Variants in ZBTB10 observed in about 807,000 individuals in gnomAD.
ZBTB10 encodes zinc finger and BTB domain containing 10.
In ZBTB10, 32 loss-of-function variants were observed where a neutral mutation model predicts 76.4. That is an observed-to-expected ratio of 0.42 (90% CI 0.32 to 0.56). ZBTB10 has a LOEUF of 0.56. Ranked by LOEUF, ZBTB10 falls within the 20% of genes least tolerant of loss-of-function variation. ZBTB10 has a pLI of 0.14. For synonymous variants in ZBTB10, 523 were observed against 432.9 expected, an observed-to-expected ratio of 1.21 and a Z score of -2.58; for missense variants, 1,057 against 1,098.5, an observed-to-expected ratio of 0.96 and a Z score of 0.53.
At chr8:80,490,099 C>T (rs991528602) in intron 1 of ZBTB10, among the ~76,000 whole-genome samples, 2 of 152,180 alleles carry the variant, frequency 1.3e-5, no homozygotes, top group Admixed American at 1.3e-4. Context: ...TAACACAACA[C>T]GTAATGTAAG....
intron 2 of ZBTB10, among the ~76,000 whole-genome samples, chr8:80,512,753 C>T (rs929952792): frequency 2.0e-5 from 3 of 152,114 alleles, no homozygotes; most frequent in Admixed American, 6.6e-5. Flanking sequence ...AGAAAAAAAT[C>T]AGTCGTTACC....
chr8:80,514,599 G>A (rs1816282234), intron 3 of ZBTB10, among the ~76,000 whole-genome samples: 2 of 152,250 alleles, frequency 1.3e-5, no homozygotes, highest in African/African-American at 2.4e-5. Context: ...TTAAGCCACC[G>A]TTAATGGGCT....
rs996251384 is a variant in ZBTB10, at chr8:80,500,187, A to G, written c.1666A>G (p.Lys556Glu). ...MAENESEGQTKVFIWNNMGSQ... is the reference protein window; with the variant it reads ...MAENESEGQTEVFIWNNMGSQ... ...TGAAAATGAATCTGAAGGTCAAACA[A>G]AAGTGTTTATTTGGAATAATATGGG... Residue 556 changes from lysine (K) to glutamate (E), a missense_variant, in exon 2 of 6, where the codon AAA becomes GAA. Coordinates refer to ENST00000455036, the MANE Select transcript of ZBTB10 (RefSeq NM_001105539.3). 4.4e-6 allele frequency: 7 copies of G among 1,608,586 alleles called. No individual in the cohort carries two copies. Among genetic ancestry groups the G allele is most frequent in the African/African-American group, 1.3e-5 (1 of 74,814 alleles).
In ZBTB10 at chr8:80,518,904, A is replaced by C. The variant is rs367996608; in HGVS notation, c.2260A>C (p.Ile754Leu). 1,619 of 1,609,140 alleles carry C rather than the reference A, an allele frequency of 1.0e-3. 35 individuals are homozygous for C. In the South Asian group the frequency reaches 0.017, roughly 16 times the overall value. ...HTGVRSFSCD[I>L]CGKLFTRREH... The stretch of plus-strand genomic sequence containing the variant: ...AGGAGTGAGATCATTTAGCTGTGAT[A>C]TTTGTGGAAAACTGTTTACTCGAAG... Residue 754 changes from isoleucine (I) to leucine (L), a missense_variant, in exon 5 of 6, where the codon ATT (isoleucine) becomes CTT (leucine). Physicochemically the swap from Ile to Leu is conservative, Grantham distance 5 (BLOSUM62 2). Coordinates refer to ENST00000455036, the MANE Select transcript of ZBTB10 (RefSeq NM_001105539.3).
chr8:80,503,544 G>A (rs1448403665), intron 2 of ZBTB10, among the ~76,000 whole-genome samples: 1 of 151,954 alleles, frequency 6.6e-6, no homozygotes, highest in African/African-American at 2.4e-5. Flanking sequence ...GAGAGACAGA[G>A]TCTCCCTGTG....
At chr8:80,494,667 T>C (rs958991637) in intron 1 of ZBTB10, among the ~76,000 whole-genome samples, 6 of 152,026 alleles carry the variant, frequency 3.9e-5, no homozygotes, top group Non-Finnish European at 7.4e-5. Context: ...CCTGTAAACT[T>C]AGCACTCTGG....
chr8:80,494,538 A>G (rs1041086544), intron 1 of ZBTB10, among the ~76,000 whole-genome samples: 9 of 151,820 alleles, frequency 5.9e-5, no homozygotes, highest in Middle Eastern at 3.4e-3. Flanking sequence ...TTTTTAGACT[A>G]TTTTTCTAGG....
chr8:80,514,453 G>A (rs1176191568), intron 3 of ZBTB10, among the ~76,000 whole-genome samples: 1 of 152,198 alleles, frequency 6.6e-6, no homozygotes, highest in Non-Finnish European at 1.5e-5. Flanking sequence ...GAATCCATGA[G>A]TATGTTATGA....
At chr8:80,485,719 G>C, upstream of ZBTB10, 5 of 1,453,508 alleles carry the variant, frequency 3.4e-6, no homozygotes, top group South Asian at 1.3e-5. Flanking sequence ...GCACCGCCTG[G>C]TCCAGTCTTT....
chr8:80,518,673 G>C, intron 4 of ZBTB10, 94 bp downstream of exon 4: 1 of 1,479,840 alleles, frequency 6.8e-7, no homozygotes, highest in Non-Finnish European at 9.0e-7. Flanking sequence ...AAACCAAGTA[G>C]CAGTAGCTCC....
In ZBTB10 at chr8:80,487,154, T is replaced by A; in HGVS notation, c.344T>A (p.Leu115Gln). ...SLGGGAGGPL[L>Q]AERNRRTLAF... ...GGCGGTGGCGCGGGGGGCCCCCTGC[T>A]AGCGGAAAGGAACCGTCGGACTCTG... Residue 115 changes from leucine (L) to glutamine (Q), a missense_variant, in exon 1 of 6, where the codon CTA becomes CAA. By Grantham distance (113) the Leu-to-Gln change is moderately radical. Transcript: ENST00000455036. 1.3e-6 allele frequency: 2 copies of A among 1,516,070 alleles called. No homozygotes were observed. The highest frequency in any genetic ancestry group is 1.8e-6 in the Non-Finnish European group (2 of 1,134,742). The allele number at this position is 1,516,070 out of a possible 1,614,324, so 93.9% of individuals were successfully genotyped here. A position where few individuals can be genotyped will look rare whatever the true frequency, so the allele number is the denominator to read the frequency against.
intron 2 of ZBTB10, among the ~76,000 whole-genome samples, chr8:80,501,862 G>A (rs573600638): frequency 7.1e-4 from 108 of 152,322 alleles, no homozygotes; most frequent in African/African-American, 2.5e-3. Flanking sequence ...TTGTCTTAAT[G>A]TAGAAGACCT....
In ZBTB10 at chr8:80,487,002, C is replaced by G; in HGVS notation, c.192C>G (p.Asp64Glu). The G allele has an allele frequency of 6.6e-7, 1 of 1,513,324 alleles. No individual in the cohort carries two copies. The highest frequency in any genetic ancestry group is 8.8e-7 in the Non-Finnish European group (1 of 1,136,328). The allele number at this position is 1,513,324 out of a possible 1,614,324, so 93.7% of individuals were successfully genotyped here. Residue 64 changes from aspartate to glutamate, a missense_variant, in exon 1 of 6, where the codon GAC (aspartate) becomes GAG (glutamate). Asp to Glu is a conservative substitution (Grantham distance 45, BLOSUM62 2). Transcript: ENST00000455036. Reference protein sequence around the residue: ...ALQPPNGRGADEEVELEGLEP... With the variant: ...ALQPPNGRGAEEEVELEGLEP... ...AGCCGCCTAATGGGCGGGGGGCCGACGAGGAAGTGGAATTGGAGGGCCTGG... is the reference window on the plus strand; with the variant it reads ...AGCCGCCTAATGGGCGGGGGGCCGAGGAGGAAGTGGAATTGGAGGGCCTGG...
At chr8:80,509,070 T>G (rs1816128259) in intron 2 of ZBTB10, among the ~76,000 whole-genome samples, 1 of 151,906 alleles carries the variant, frequency 6.6e-6, no homozygotes, top group Non-Finnish European at 1.5e-5. Flanking sequence ...AGTTTGCGAG[T>G]GAAAGGGAAG....
In ZBTB10 at chr8:80,513,931, C is replaced by T. The variant is rs570421287; in HGVS notation, c.1883C>T (p.Ser628Leu). 4.3e-6 allele frequency: 7 copies of T among 1,613,360 alleles called. No homozygotes were observed. The highest frequency in any genetic ancestry group is 1.1e-5 in the South Asian group (1 of 90,996). The part of the protein sequence containing the change: ...EEPDLDGALL[S>L]GPDGDRNVNA... The stretch of plus-strand genomic sequence containing the variant: ...TCAGATTTAGATGGTGCTCTACTCT[C>T]GGGGCCAGATGGTGATAGGAATGTG... Residue 628 changes from serine (S) to leucine (L), a missense_variant, in exon 3 of 6, where the codon TCG becomes TTG. By Grantham distance (145) the Ser-to-Leu change is moderately radical (BLOSUM62 -2). This residue lies in a region of ZBTB10 where 306 missense variants were observed against 297.5 expected (regional missense o/e 1.03). Coordinates refer to ENST00000455036, the MANE Select transcript of ZBTB10 (RefSeq NM_001105539.3).
chr8:80,503,487 T>C (rs954927711), intron 2 of ZBTB10, among the ~76,000 whole-genome samples: 1 of 151,840 alleles, frequency 6.6e-6, no homozygotes, highest in Non-Finnish European at 1.5e-5. Context: ...TCGTTGGGAA[T>C]AGTGTAATTT....
At chr8:80,514,874 T>C (rs1443655293) in intron 3 of ZBTB10, among the ~76,000 whole-genome samples, 1 of 152,254 alleles carries the variant, frequency 6.6e-6, no homozygotes, top group Non-Finnish European at 1.5e-5. Context: ...AGAAACTGTT[T>C]AGCTTGTATC....
rs1175317038 is a variant in ZBTB10, at chr8:80,521,243, A to G, written c.*1715A>G. Reference sequence around the variant, plus strand: ...TGGTTAGATGCATCTTTTGTCATCTATATTGTAGTTTCTACATAACTGTAA... The same window carrying G: ...TGGTTAGATGCATCTTTTGTCATCTGTATTGTAGTTTCTACATAACTGTAA... On this transcript the variant is annotated 3_prime_UTR_variant, in exon 6 of 6. Transcript: ENST00000455036. 1 of 151,858 alleles carries G rather than the reference A, an allele frequency of 6.6e-6. No homozygotes were observed. The highest frequency in any genetic ancestry group is 6.6e-5 in the Admixed American group (1 of 15,224). The allele number at this position is 151,858 out of a possible 1,614,324, so 9.4% of individuals were successfully genotyped here.
At chr8:80,512,575 G>T (rs558212329) in intron 2 of ZBTB10, among the ~76,000 whole-genome samples, 1 of 152,202 alleles carries the variant, frequency 6.6e-6, no homozygotes, top group South Asian at 2.1e-4. Flanking sequence ...ATCCAGGTGT[G>T]GTGGTGTGCA....
Sources: allele counts gnomAD v4.1 joint callset (sites outside exome capture counted in the v4.1 genomes callset), GRCh38; gene constraint gnomAD v4.1.1; regional missense constraint gnomAD v4.1.1; transcripts MANE v1.5; gene names NCBI Gene and HGNC (gene_info 2026-07-23, HGNC 2026-07-21).